MECOM: variants seen among roughly 807,000 people sequenced by gnomAD.
MECOM encodes the protein MDS1 and EVI1 complex locus.
Under a neutral mutation model 116.3 loss-of-function variants are expected in MECOM, and 13 were observed. The ratio of observed to expected loss-of-function variants is 0.11; its 90% CI spans 0.07 to 0.18. The LOEUF (loss-of-function observed/expected upper bound fraction) is 0.18, where lower values mean the gene tolerates loss of function less well. MECOM is among the 10% of genes least tolerant of loss of function. MECOM has a pLI of 1.00. For missense variants in MECOM, 1,299 were observed against 1,509.0 expected, an observed-to-expected ratio of 0.86 and a Z score of 2.31; for synonymous variants, 528 against 535.2, an observed-to-expected ratio of 0.99 and a Z score of 0.19.
intron 1 of MECOM, among the ~76,000 whole-genome samples, chr3:169,576,835 A>G (rs1459199225): frequency 7.8e-6 from 1 of 128,850 alleles, no homozygotes; most frequent in Non-Finnish European, 1.7e-5. Context: ...ACACACACAC[A>G]CACAGAGAGA....
At position 169,312,207 on chromosome 3, in the gene MECOM, A is replaced by G. The variant is rs1718913865; in HGVS notation, c.375+68980T>C. 3.3e-5 allele frequency among the ~76,000 whole-genome samples: 5 copies of G among 152,204 alleles called. No individual in the cohort carries two copies. The South Asian group carries it at 6.2e-4, about 19-fold the overall frequency. ...AGGAGACCAACCAAGTATAGTATAC[A>G]CTGCCTTCATTTGGCAAGAGATGAT... On this transcript the variant is annotated intron_variant, in intron 2 of 16. Transcript: ENST00000651503.
At chr3:169,368,500 T>C (rs956761854) in intron 2 of MECOM, among the ~76,000 whole-genome samples, 1 of 152,042 alleles carries the variant, frequency 6.6e-6, no homozygotes, top group Admixed American at 6.6e-5. Context: ...TCATGCTACC[T>C]ACTTATCATT....
At chr3:169,352,850 C>T (rs890386777) in intron 2 of MECOM, among the ~76,000 whole-genome samples, 1 of 151,810 alleles carries the variant, frequency 6.6e-6, no homozygotes, top group African/African-American at 2.4e-5. Flanking sequence ...AAATAGATGA[C>T]CTAAGAAGAG....
At chr3:169,159,390 T>C (rs937593943) in intron 2 of MECOM, among the ~76,000 whole-genome samples, 5 of 151,964 alleles carry the variant, frequency 3.3e-5, no homozygotes, top group Non-Finnish European at 7.4e-5. Flanking sequence ...AAACCCTGTC[T>C]CTACTAAAAA....
At chr3:169,433,639 G>GAGAAAAAGAAAGAA (rs1742051701) in intron 1 of MECOM, among the ~76,000 whole-genome samples, 1 of 126,952 alleles carries the variant, frequency 7.9e-6, no homozygotes, top group Non-Finnish European at 1.6e-5. Context: ...GAAAGAGAAA[G>GAGAAAAAGAAAGAA]AGAAAGAAAG....
intron 1 of MECOM, among the ~76,000 whole-genome samples, chr3:169,614,390 G>A (rs1438189888): frequency 6.6e-6 from 1 of 151,600 alleles, no homozygotes; most frequent in African/African-American, 2.4e-5. Context: ...TACACCACTG[G>A]ATTAATTTCA....
At chr3:169,616,597 C>T (rs1467015112) in intron 1 of MECOM, among the ~76,000 whole-genome samples, 1 of 152,208 alleles carries the variant, frequency 6.6e-6, no homozygotes, top group Non-Finnish European at 1.5e-5. Context: ...GCCTCAGCCT[C>T]TCAAAGTGCT....
In MECOM at chr3:169,152,511, C is replaced by T. The variant is rs940933638; in HGVS notation, c.376-8679G>A. Among the ~76,000 whole-genome samples, 6 of 152,268 alleles carry T rather than the reference C, an allele frequency of 3.9e-5. No homozygotes were observed. In the East Asian group the frequency reaches 1.2e-3, roughly 29 times the overall value. On this transcript the variant is annotated intron_variant, in intron 2 of 16. Coordinates refer to ENST00000651503, the MANE Select transcript of MECOM (RefSeq NM_004991.4). ...CTTTGCAGTGGCTCGAGGATTCAGG[C>T]ATGTTTACTCTCCTATTCGGCTCTC... is the stretch of plus-strand genomic sequence containing the variant.
chr3:169,511,940 A>C (rs1756022593), intron 1 of MECOM, among the ~76,000 whole-genome samples: 1 of 152,098 alleles, frequency 6.6e-6, no homozygotes, highest in Non-Finnish European at 1.5e-5. Context: ...CAACATGTAA[A>C]TTGCTTTAAA....
At chr3:169,416,636 T>G (rs1170430264) in intron 1 of MECOM, among the ~76,000 whole-genome samples, 1 of 151,166 alleles carries the variant, frequency 6.6e-6, no homozygotes, top group East Asian at 1.9e-4. Flanking sequence ...GACTTCTAGC[T>G]AGACTAATAA....
chr3:169,120,835 T>C, intron 7 of MECOM: 1 of 386,504 alleles, frequency 2.6e-6, no homozygotes, highest in Non-Finnish European at 4.5e-6. Context: ...CTACCTGTTA[T>C]TGATTTCTTC....
intron 2 of MECOM, among the ~76,000 whole-genome samples, chr3:169,162,629 T>A (rs1202495497): frequency 6.6e-6 from 1 of 152,194 alleles, no homozygotes; most frequent in Non-Finnish European, 1.5e-5. Flanking sequence ...CATACTATTG[T>A]TCATTAGGTG....
intron 2 of MECOM, among the ~76,000 whole-genome samples, chr3:169,266,469 G>A (rs1052319245): frequency 2.6e-5 from 4 of 152,142 alleles, no homozygotes; most frequent in African/African-American, 9.7e-5. Flanking sequence ...AATGATTTTT[G>A]TTGTCATCTA....
At chr3:169,286,428 A>C (rs893837058) in intron 2 of MECOM, among the ~76,000 whole-genome samples, 1 of 152,182 alleles carries the variant, frequency 6.6e-6, no homozygotes, top group Non-Finnish European at 1.5e-5. Context: ...AGCCTGAGTA[A>C]GAATAGAATA....
intron 2 of MECOM, among the ~76,000 whole-genome samples, chr3:169,376,477 A>C (rs1270123377): frequency 6.6e-6 from 1 of 152,240 alleles, no homozygotes; most frequent in Non-Finnish European, 1.5e-5. Flanking sequence ...CAACTTCAGC[A>C]AAGTCTCAGG....
chr3:169,562,359 C>T (rs1762756135), intron 1 of MECOM, among the ~76,000 whole-genome samples: 1 of 151,958 alleles, frequency 6.6e-6, no homozygotes, highest in Admixed American at 6.6e-5. Flanking sequence ...TAAGTAAAGT[C>T]GTTTGCAGTC....
Position 169,107,927 on chromosome 3 carries a change from C to G in MECOM, c.2603G>C (p.Trp868Ser). The change falls in exon 10 of 17, where the codon TGG (tryptophan) becomes TCG (serine). Residue 868 changes from tryptophan to serine, a missense_variant and splice_region_variant. By Grantham distance (177) the Trp-to-Ser change is radical (BLOSUM62 -3). This residue lies in a region of MECOM where 340 missense variants were observed against 312.6 expected (regional missense o/e 1.09). Coordinates refer to ENST00000651503, the MANE Select transcript of MECOM (RefSeq NM_004991.4). Reference protein sequence around the residue: ...PQFQLPDQRTWMSAIENMAEK... With the variant: ...PQFQLPDQRTSMSAIENMAEK... The stretch of plus-strand genomic sequence containing the variant: ...CAAAAATATAAGTAGGAAACTTACC[C>G]AAGTTCTCTGATCAGGCAGTTGGAA... The G allele has an allele frequency of 6.2e-7, 1 of 1,612,186 alleles. No individual in the cohort carries two copies. The highest frequency in any genetic ancestry group is 8.5e-7 in the Non-Finnish European group (1 of 1,179,090).
At chr3:169,623,812 C>CAT (rs1771039793) in intron 1 of MECOM, 1 of 147,884 alleles carries the variant, frequency 6.8e-6, no homozygotes, top group African/African-American at 2.5e-5. Flanking sequence ...CACACACATA[C>CAT]ACACACACAC....
chr3:169,371,537 A>ACACT (rs1232094311), intron 2 of MECOM, among the ~76,000 whole-genome samples: 2 of 151,578 alleles, frequency 1.3e-5, no homozygotes, highest in East Asian at 3.9e-4. Context: ...ACACACACTC[A>ACACT]CACACACATA....
Sources: allele counts gnomAD v4.1 joint callset (sites outside exome capture counted in the v4.1 genomes callset), GRCh38; gene constraint gnomAD v4.1.1; regional missense constraint gnomAD v4.1.1; transcripts MANE v1.5; gene names NCBI Gene and HGNC (gene_info 2026-07-23, HGNC 2026-07-21).